The following KLRG1 variants were observed in gnomAD, a reference collection of about 807,000 sequenced individuals.
KLRG1 encodes the protein killer cell lectin-like receptor subfamily G member 1.
A neutral mutation model predicts 21.8 loss-of-function variants in KLRG1; 16 were observed. The ratio of observed to expected loss-of-function variants is 0.73; its 90% CI spans 0.50 to 1.11. The LOEUF is 1.11. Ranked by LOEUF, KLRG1 falls within the 50% of genes most tolerant of loss-of-function variation. The probability of loss-of-function intolerance (pLI) is 0.00; values close to 1 mark genes in which losing one functional copy is unlikely to be tolerated. For missense variants in KLRG1, 173 were observed against 218.3 expected (o/e 0.79, Z 1.31); for synonymous variants, 69 against 75.9 (o/e 0.91, Z 0.47).
chr12:9,091,246 G>A, the KLRG1 span: 1 of 1,614,076 alleles, frequency 6.2e-7, no homozygotes, highest in African/African-American at 1.3e-5. Flanking sequence ...CCTTGAGTGT[G>A]AAGGCCTCTC....
the KLRG1 span, among the ~76,000 whole-genome samples, chr12:9,188,293 G>A: frequency 2.0e-5 from 3 of 152,190 alleles, no homozygotes; most frequent in African/African-American, 4.8e-5. Flanking sequence ...CTTATCAGAT[G>A]TAGAAAAGGA....
At chr12:9,049,437 T>C in the KLRG1 span, among the ~76,000 whole-genome samples, 1 of 152,196 alleles carries the variant, frequency 6.6e-6, no homozygotes, top group African/African-American at 2.4e-5. Context: ...TAGAGTCATA[T>C]TTTATTTACA....
chr12:8,971,931 A>C (rs1946575337), intron 1 of KLRG1, among the ~76,000 whole-genome samples: 1 of 152,186 alleles, frequency 6.6e-6, no homozygotes, highest in Non-Finnish European at 1.5e-5. Context: ...ATGGTTTACA[A>C]ATATTTTCTC....
chr12:9,162,742 C>A, the KLRG1 span: 1 of 1,005,872 alleles, frequency 9.9e-7, no homozygotes, highest in Non-Finnish European at 1.5e-6. Context: ...AGGGTTTACA[C>A]GAATGATGTT....
chr12:9,069,852 A>T, the KLRG1 span: 3 of 1,584,668 alleles, frequency 1.9e-6, no homozygotes, highest in South Asian at 1.1e-5. Context: ...TAATAAATAG[A>T]TGAAACCCCT....
At chr12:9,152,936 T>G in the KLRG1 span, 4 of 1,614,194 alleles carry the variant, frequency 2.5e-6, no homozygotes, top group East Asian at 8.9e-5. Context: ...GGAAGAATAT[T>G]GTATTTCATG....
At chr12:9,009,399 G>A (rs773463714) in intron 4 of KLRG1, 27 bp from the exon 5 acceptor site, 1 of 1,613,094 alleles carries the variant, frequency 6.2e-7, no homozygotes, top group Non-Finnish European at 8.5e-7. Context: ...GCGGCCTTAA[G>A]TGATTGACTT....
the KLRG1 span, chr12:9,157,488 T>C: frequency 1.2e-6 from 1 of 865,118 alleles, no homozygotes; most frequent in Non-Finnish European, 1.7e-6. Flanking sequence ...ATTCATCATA[T>C]TTAAATAGAA....
the KLRG1 span, chr12:9,067,894 G>A: frequency 6.5e-7 from 1 of 1,540,846 alleles, no homozygotes; most frequent in Non-Finnish European, 8.9e-7. Flanking sequence ...CATGAGCAGA[G>A]AGTATTCTTT....
At chr12:9,126,612 AG>A in the KLRG1 span, among the ~76,000 whole-genome samples, 6 of 152,300 alleles carry the variant, frequency 3.9e-5, no homozygotes, top group East Asian at 5.8e-4. Flanking sequence ...CCCCATCCAA[AG>A]CTTGACTAAC....
At chr12:9,112,703 A>C in the KLRG1 span, 1 of 661,446 alleles carries the variant, frequency 1.5e-6, no homozygotes, top group Non-Finnish European at 2.6e-6. Context: ...CCATTTTACA[A>C]ATGGGGAGAC....
At chr12:9,080,625 A>G in the KLRG1 span, among the ~76,000 whole-genome samples, 1 of 152,220 alleles carries the variant, frequency 6.6e-6, no homozygotes, top group African/African-American at 2.4e-5. Context: ...TTCTATAATA[A>G]TGCTATGTTC....
the KLRG1 span, chr12:9,168,860 C>G: frequency 6.3e-7 from 1 of 1,589,332 alleles, no homozygotes; most frequent in Non-Finnish European, 8.6e-7. Context: ...AAGCAAATTG[C>G]TGTTTTACCT....
chr12:9,181,892 A>G, the KLRG1 span: 2 of 1,458,160 alleles, frequency 1.4e-6, no homozygotes, highest in Admixed American at 2.2e-5. Context: ...ACTTTTCTGG[A>G]CTTAGTTTTC....
chr12:9,000,612 T>C (rs1440147930), intron 3 of KLRG1, among the ~76,000 whole-genome samples: 1 of 152,222 alleles, frequency 6.6e-6, no homozygotes. Flanking sequence ...TTACCATATC[T>C]ATGTATTTGC....
At chr12:8,981,546 A>G (rs1334465889) in intron 1 of KLRG1, among the ~76,000 whole-genome samples, 1 of 151,920 alleles carries the variant, frequency 6.6e-6, no homozygotes, top group East Asian at 1.9e-4. Flanking sequence ...TTAATTTCCG[A>G]ATATTTAGGA....
At chr12:9,207,277 G>T in the KLRG1 span, among the ~76,000 whole-genome samples, 3 of 152,130 alleles carry the variant, frequency 2.0e-5, no homozygotes, top group Non-Finnish European at 4.4e-5. Context: ...GTGCAGTGTG[G>T]GTATGCAAGA....
At chr12:8,950,662 C>G (rs1361042468) in intron 1 of KLRG1, among the ~76,000 whole-genome samples, 1 of 151,724 alleles carries the variant, frequency 6.6e-6, no homozygotes, top group African/African-American at 2.4e-5. Flanking sequence ...GATTCTTACC[C>G]CTCTCATTAG....
chr12:9,151,626 TG>T, the KLRG1 span: 2 of 1,613,850 alleles, frequency 1.2e-6, no homozygotes, highest in Non-Finnish European at 1.7e-6. Flanking sequence ...AATGAGGACA[TG>T]GTTGTTGCTC....
Sources: gnomAD v4.1 joint callset for allele counts (sites outside exome capture counted in the v4.1 genomes callset) on GRCh38, gnomAD v4.1.1 for gene constraint, MANE v1.5 for transcripts, NCBI Gene and HGNC (gene_info 2026-07-23, HGNC 2026-07-21) for gene names.